CALCR: variants seen among roughly 807,000 people sequenced by gnomAD.
The protein encoded by CALCR is calcitonin receptor.
CALCR carries 47 observed loss-of-function variants against 59.5 expected under a neutral mutation model. The ratio of observed to expected loss-of-function variants is 0.79; its 90% confidence interval spans 0.63 to 1.01. CALCR has a LOEUF of 1.01. Ranked by LOEUF, CALCR falls within the 50% of genes least tolerant of loss-of-function variation. The pLI is 0.00. For missense variants in CALCR, 566 were observed against 597.1 expected, an observed-to-expected ratio of 0.95 and a Z score of 0.54; for synonymous variants, 213 against 211.3, an observed-to-expected ratio of 1.01 and a Z score of -0.07.
rs1404102746 is a variant in CALCR, at chr7:93,574,400, G to A, written c.-138C>T. On this transcript the variant is annotated 5_prime_UTR_variant, in exon 2 of 14. Coordinates refer to ENST00000426151, the MANE Select transcript of CALCR (RefSeq NM_001742.4). ...AGCTTCAGCGCCCATCTCCTGGGCA[G>A]GAGATGTCAGCCGCAGGGTGAGGTG... 1.3e-5 allele frequency: 2 copies of A among 152,204 alleles called. No homozygotes were observed. Among genetic ancestry groups the A allele is most frequent in the African/African-American group, 4.8e-5 (2 of 41,442 alleles). 9.4% of individuals were successfully genotyped at this position (152,204 alleles called of 1,614,324 possible).
At chr7:93,474,100 TA>T (rs1476953360) in intron 5 of CALCR, among the ~76,000 whole-genome samples, 2 of 151,712 alleles carry the variant, frequency 1.3e-5, no homozygotes, top group African/African-American at 4.8e-5. Context: ...TGCTCCATCT[TA>T]AAAATAAATA....
intron 13 of CALCR, among the ~76,000 whole-genome samples, chr7:93,433,262 T>G (rs1270720940): frequency 6.6e-6 from 1 of 152,214 alleles, no homozygotes; most frequent in South Asian, 2.1e-4. Flanking sequence ...TAATTACTAA[T>G]AGGAAAGTAA....
chr7:93,480,802 T>C (rs1484680963), intron 3 of CALCR, among the ~76,000 whole-genome samples: 2 of 151,808 alleles, frequency 1.3e-5, no homozygotes, highest in Non-Finnish European at 2.9e-5. Flanking sequence ...TGTGGGAAGT[T>C]TCTGCATAGG....
chr7:93,481,259 G>T (rs1013892566), intron 3 of CALCR, among the ~76,000 whole-genome samples: 9 of 151,866 alleles, frequency 5.9e-5, no homozygotes, highest in Middle Eastern at 3.4e-3. Flanking sequence ...ATCAGTGAAG[G>T]TTGTGAAAGG....
chr7:93,483,567 AT>A (rs1800855090), intron 3 of CALCR, among the ~76,000 whole-genome samples: 1 of 151,078 alleles, frequency 6.6e-6, no homozygotes, highest in South Asian at 2.1e-4. Context: ...AAAATAACAC[AT>A]ATACAAATTT....
chr7:93,467,723 G>A (rs957362539), intron 7 of CALCR, among the ~76,000 whole-genome samples: 3 of 151,266 alleles, frequency 2.0e-5, no homozygotes, highest in Admixed American at 1.3e-4. Context: ...TTTAAGTGTG[G>A]ATGATTGTTG....
Position 93,526,720 on chromosome 7 carries a change from T to C in CALCR, c.-26-39713A>G, listed in dbSNP as rs907854755. On this transcript the variant is annotated intron_variant, in intron 2 of 13. Coordinates refer to ENST00000426151, the MANE Select transcript of CALCR (RefSeq NM_001742.4). ...GCAAGAAGAAATAAATGACATCCTG[T>C]GTTTATTCAATAGACAGATAGTCCA... is the stretch of plus-strand genomic sequence containing the variant. Among the ~76,000 whole-genome samples the C allele has an allele frequency of 2.6e-5, 4 of 152,220 alleles. No individual in the cohort carries two copies. The East Asian group carries it at 7.7e-4, about 29-fold the overall frequency.
At chr7:93,501,533 A>C (rs1801321589) in intron 2 of CALCR, among the ~76,000 whole-genome samples, 1 of 152,140 alleles carries the variant, frequency 6.6e-6, no homozygotes, top group South Asian at 2.1e-4. Flanking sequence ...TTGGGGATGC[A>C]GATGGGATAA....
chr7:93,433,459 A>G (rs966731668), intron 13 of CALCR, among the ~76,000 whole-genome samples: 2 of 152,206 alleles, frequency 1.3e-5, no homozygotes, highest in Non-Finnish European at 2.9e-5. Context: ...AGTTTAATTG[A>G]AAAACAGGAA....
At chr7:93,552,670 G>A (rs1034311886) in intron 2 of CALCR, among the ~76,000 whole-genome samples, 1 of 152,078 alleles carries the variant, frequency 6.6e-6, no homozygotes, top group Non-Finnish European at 1.5e-5. Flanking sequence ...GTTCTCTAGA[G>A]GTTAGAACTA....
chr7:93,471,901 T>C (rs1002899752), intron 6 of CALCR, among the ~76,000 whole-genome samples: 1 of 151,872 alleles, frequency 6.6e-6, no homozygotes, highest in Non-Finnish European at 1.5e-5. Context: ...TCTGTATTAG[T>C]GGACTGATGA....
At chr7:93,569,522 C>T (rs1789951888) in intron 2 of CALCR, among the ~76,000 whole-genome samples, 1 of 152,130 alleles carries the variant, frequency 6.6e-6, no homozygotes, top group Admixed American at 6.5e-5. Context: ...AGGGTAACCT[C>T]CCTAGAAAAT....
chr7:93,452,525 T>C (rs1584546481), intron 8 of CALCR, among the ~76,000 whole-genome samples: 2 of 152,160 alleles, frequency 1.3e-5, no homozygotes, highest in East Asian at 1.9e-4. Flanking sequence ...AGGAAAATAC[T>C]GCAATCTTTC....
At chr7:93,558,593 CTT>C (rs973225970) in intron 2 of CALCR, among the ~76,000 whole-genome samples, 7 of 151,910 alleles carry the variant, frequency 4.6e-5, no homozygotes, top group South Asian at 4.1e-4. Context: ...AATAAAGACT[CTT>C]ATTATATTTA....
intron 2 of CALCR, among the ~76,000 whole-genome samples, chr7:93,568,595 G>T (rs1395865537): frequency 3.4e-5 from 4 of 117,724 alleles, no homozygotes; most frequent in Middle Eastern, 5.1e-3. Context: ...TCTTTTTTTT[G>T]CAGGATTGTT....
chr7:93,546,397 T>C (rs1413229918), intron 2 of CALCR, among the ~76,000 whole-genome samples: 2 of 152,092 alleles, frequency 1.3e-5, no homozygotes, highest in South Asian at 2.1e-4. Context: ...ATGATCCTCA[T>C]TGAGAAACTG....
At chr7:93,570,591 A>C (rs920798345) in intron 2 of CALCR, among the ~76,000 whole-genome samples, 1 of 152,218 alleles carries the variant, frequency 6.6e-6, no homozygotes, top group African/African-American at 2.4e-5. Flanking sequence ...TCTGGTACAA[A>C]GAATACCAAT....
intron 2 of CALCR, among the ~76,000 whole-genome samples, chr7:93,519,259 T>C (rs1801709347): frequency 6.6e-6 from 1 of 152,100 alleles, no homozygotes; most frequent in Admixed American, 6.6e-5. Context: ...TGTAATTATC[T>C]GGTTAGCTTA....
intron 3 of CALCR, among the ~76,000 whole-genome samples, chr7:93,485,293 A>G (rs1800917438): frequency 1.3e-5 from 2 of 151,670 alleles, no homozygotes; most frequent in Admixed American, 6.6e-5. Flanking sequence ...AAGCCATAAA[A>G]TGTTTCTGTC....
Sources: allele counts gnomAD v4.1 joint callset (sites outside exome capture counted in the v4.1 genomes callset), GRCh38; gene constraint gnomAD v4.1.1; transcripts MANE v1.5; gene names NCBI Gene and HGNC (gene_info 2026-07-23, HGNC 2026-07-21).